The following PTGFRN variants were observed in gnomAD, a reference collection of about 807,000 sequenced individuals.
PTGFRN encodes the protein prostaglandin F2 receptor inhibitor, also known as prostaglandin F2 receptor negative regulator.
A neutral mutation model predicts 83.2 loss-of-function variants in PTGFRN; 35 were observed. The observed-to-expected ratio is 0.42, with a 90% confidence interval of 0.32 to 0.56. PTGFRN has a LOEUF of 0.56. PTGFRN is among the 20% of genes least tolerant of loss of function. PTGFRN has a pLI of 0.11. For missense variants in PTGFRN, 1,051 were observed against 1,179.5 expected (o/e 0.89, Z 1.60); for synonymous variants, 519 against 498.6 (o/e 1.04, Z -0.55).
chr1:116,957,633 C>T (rs1287433311), intron 4 of PTGFRN, among the ~76,000 whole-genome samples: 1 of 152,062 alleles, frequency 6.6e-6, no homozygotes, highest in Non-Finnish European at 1.5e-5. Context: ...CTGAGAATGT[C>T]GAAGATCTGT....
At chr1:116,915,353 G>A (rs1649379550) in intron 1 of PTGFRN, among the ~76,000 whole-genome samples, 1 of 152,226 alleles carries the variant, frequency 6.6e-6, no homozygotes, top group Non-Finnish European at 1.5e-5. Flanking sequence ...CTGAGGACGG[G>A]CCGAAATGCA....
intron 4 of PTGFRN, among the ~76,000 whole-genome samples, chr1:116,959,730 T>A (rs1397274381): frequency 6.6e-6 from 1 of 152,064 alleles, no homozygotes; most frequent in Non-Finnish European, 1.5e-5. Flanking sequence ...TCCCAGCACT[T>A]TGGGAGGCTG....
intron 1 of PTGFRN, among the ~76,000 whole-genome samples, chr1:116,922,364 G>A (rs1649557777): frequency 6.6e-6 from 1 of 152,158 alleles, no homozygotes; most frequent in African/African-American, 2.4e-5. Context: ...AGCAATGATG[G>A]GAATTTTAGT....
chr1:116,947,826 C>T (rs1406234586), intron 3 of PTGFRN, among the ~76,000 whole-genome samples: 1 of 152,188 alleles, frequency 6.6e-6, no homozygotes, highest in Non-Finnish European at 1.5e-5. Flanking sequence ...CCTCAGGCTA[C>T]TTTTGGCCCT....
Position 116,961,364 on chromosome 1 carries a change from T to C in PTGFRN, c.1335T>C (p.Val445=). The C allele has an allele frequency of 6.2e-7, 1 of 1,600,106 alleles. No homozygotes were observed. Among genetic ancestry groups the C allele is most frequent in the Non-Finnish European group, 8.5e-7 (1 of 1,170,522 alleles). The stretch of plus-strand genomic sequence containing the variant: ...GGGAGGCGAATGTCCGATTCACGGT[T>C]TCGTGGTACTACAGGATGAACCGGC... ...KSGEANVRFT[V]SWYYRMNRRS... Residue 445 remains valine (V), a synonymous_variant, in exon 5 of 9, where the codon GTT becomes GTC. Transcript: ENST00000393203. This position sits in a 1 kb window ranked among gnomAD's most constrained non-coding sequence, Gnocchi z 5.4.
rs1459722741 is a variant in PTGFRN at position 116,988,590 on chromosome 1, T to G, written c.*1623T>G. 1 of 152,710 alleles carries G rather than the reference T, an allele frequency of 6.5e-6. No individual in the cohort carries two copies. Among genetic ancestry groups the G allele is most frequent in the Non-Finnish European group, 1.5e-5 (1 of 68,044 alleles). 9.5% of individuals were successfully genotyped at this position (152,710 alleles called of 1,614,324 possible). A position where few individuals can be genotyped will look rare whatever the true frequency, so the allele number is the denominator to read the frequency against. ...GATTCATTTGTTTTGAGCAATAAAC[T>G]AATACAAAATGATGGCCATTCATGT... On this transcript the variant is annotated 3_prime_UTR_variant, in exon 9 of 9. Coordinates refer to ENST00000393203, the MANE Select transcript of PTGFRN (RefSeq NM_020440.4).
intron 1 of PTGFRN, among the ~76,000 whole-genome samples, chr1:116,922,246 C>T (rs1382480985): frequency 6.6e-6 from 1 of 152,108 alleles, no homozygotes; most frequent in Non-Finnish European, 1.5e-5. Flanking sequence ...TTGGTTGTTT[C>T]TTATAAGAAA....
rs1236236791 is a variant in PTGFRN at position 116,935,718 on chromosome 1, G to T, written c.50-5997G>T. ...TCTTGGGTATCAAAGGTACTCTGAG[G>T]CTGTGGTAACTGCCCCGAGAGGTAA... On this transcript the variant is annotated intron_variant, in intron 1 of 8. Transcript: ENST00000393203. Among the ~76,000 whole-genome samples, 3 of 152,266 alleles carry T rather than the reference G, an allele frequency of 2.0e-5. No homozygotes were observed. The East Asian group carries it at 5.8e-4, about 29-fold the overall frequency.
intron 5 of PTGFRN, among the ~76,000 whole-genome samples, chr1:116,966,411 AT>A (rs1223198875): frequency 1.3e-5 from 2 of 152,198 alleles, no homozygotes. Context: ...GGGAGAATTC[AT>A]TTCTCCCTTG....
At chr1:116,957,144 T>G (rs980190515) in intron 4 of PTGFRN, among the ~76,000 whole-genome samples, 3 of 147,666 alleles carry the variant, frequency 2.0e-5, no homozygotes, top group African/African-American at 7.7e-5. Context: ...TCTCTCTCGC[T>G]GGCTCGCTGT....
chr1:116,918,003 C>T lies in PTGFRN; in HGVS notation c.49+7751C>T. Among the ~76,000 whole-genome samples the T allele has an allele frequency of 6.6e-6, 1 of 152,176 alleles. No homozygotes were observed. The highest frequency in any genetic ancestry group is 1.5e-5 in the Non-Finnish European group (1 of 68,040). On this transcript the variant is annotated intron_variant, in intron 1 of 8. Coordinates refer to ENST00000393203, the MANE Select transcript of PTGFRN (RefSeq NM_020440.4). This position sits in a 1 kb window ranked among gnomAD's most constrained non-coding sequence, Gnocchi z 4.1. ...TGTGTTGATTGGTGGAATTAACTTA[C>T]TCTCTGATAGCTTTTAGGTCTTTGG...
Position 116,923,820 on chromosome 1 carries a change from T to C in PTGFRN, c.49+13568T>C, listed in dbSNP as rs1433585760. On this transcript the variant is annotated intron_variant, in intron 1 of 8. Transcript: ENST00000393203. This position sits in a 1 kb window ranked among gnomAD's most constrained non-coding sequence, Gnocchi z 4.0. ...GCGTGGGCCTGGTCTCACTGGGTAG[T>C]TAATAACCACTATTTATTATCTGCC... Among the ~76,000 whole-genome samples the C allele has an allele frequency of 6.6e-6, 1 of 152,136 alleles. No individual in the cohort carries two copies. The highest frequency in any genetic ancestry group is 2.4e-5 in the African/African-American group (1 of 41,432).
rs1314193786 is a variant in PTGFRN at position 116,986,860 on chromosome 1, C to T, written c.2533C>T (p.Leu845Phe). ...IGVGLSTVIG[L>F]LSCLIGYCSS... ...CGTCGGTCTGTCCACGGTCATCGGG[C>T]TCCTGTCCTGTCTCATCGGGTACTG... Residue 845 changes from leucine (L) to phenylalanine (F), a missense_variant, in exon 9 of 9, where the codon CTC (leucine) becomes TTC (phenylalanine). Transcript: ENST00000393203. 1 of 1,614,210 alleles carries T rather than the reference C, an allele frequency of 6.2e-7. No homozygotes were observed.
At chr1:116,946,673 T>C (rs1650209650) in intron 3 of PTGFRN, among the ~76,000 whole-genome samples, 2 of 152,218 alleles carry the variant, frequency 1.3e-5, no homozygotes, top group Admixed American at 1.3e-4. Flanking sequence ...CATAATCTTT[T>C]TGTGCCATGA....
At chr1:116,976,923 A>G (rs921780542) in intron 7 of PTGFRN, among the ~76,000 whole-genome samples, 2 of 152,210 alleles carry the variant, frequency 1.3e-5, no homozygotes, top group Admixed American at 6.5e-5. Flanking sequence ...AAAGACACAG[A>G]CTGGCAAATT....
intron 6 of PTGFRN, among the ~76,000 whole-genome samples, chr1:116,973,391 G>A (rs528536434): frequency 3.9e-5 from 6 of 152,160 alleles, no homozygotes; most frequent in Admixed American, 3.3e-4. Flanking sequence ...GATCACTTGA[G>A]GTCAGGGGTT....
intron 1 of PTGFRN, among the ~76,000 whole-genome samples, chr1:116,931,691 G>A (rs1477499298): frequency 3.3e-5 from 5 of 151,994 alleles, no homozygotes; most frequent in South Asian, 2.1e-4. Flanking sequence ...TTTCCTGTCA[G>A]ACCTCTCAGT....
rs1381802543 is a variant in PTGFRN at position 116,945,014 on chromosome 1, T to G, written c.754T>G (p.Trp252Gly). The part of the protein sequence containing the change: ...QGSYRCIVSE[W>G]IAEQGNWQEI... ...CTCCTACAGGTGTATCGTCAGCGAG[T>G]GGATCGCCGAGCAGGGCAACTGGCA... Residue 252 changes from tryptophan to glycine, a missense_variant, in exon 3 of 9, where the codon TGG becomes GGG. Physicochemically the swap from Trp to Gly is radical, Grantham distance 184. Coordinates refer to ENST00000393203, the MANE Select transcript of PTGFRN (RefSeq NM_020440.4). The G allele has an allele frequency of 6.8e-6, 11 of 1,613,584 alleles. 1 individual carries two copies. The South Asian group carries it at 1.2e-4, about 18-fold the overall frequency.
At chr1:116,973,221 A>G (rs954008064) in intron 6 of PTGFRN, among the ~76,000 whole-genome samples, 1 of 152,108 alleles carries the variant, frequency 6.6e-6, no homozygotes, top group Non-Finnish European at 1.5e-5. Context: ...TCCAGCCCAG[A>G]CTTTATTTTT....
Sources: gnomAD v4.1 joint callset for allele counts (sites outside exome capture counted in the v4.1 genomes callset) on GRCh38, gnomAD v4.1.1 for gene constraint, Gnocchi (gnomAD v3.1) non-coding constraint, MANE v1.5 for transcripts, NCBI Gene and HGNC (gene_info 2026-07-23, HGNC 2026-07-21) for gene names.